Variants in ARPC1A observed in about 807,000 individuals in gnomAD.
The protein encoded by ARPC1A is actin-related protein 2/3 complex subunit 1A.
ARPC1A carries 8 observed loss-of-function variants against 46.9 expected under a neutral mutation model. The ratio of observed to expected loss-of-function variants is 0.17; its 90% CI spans 0.10 to 0.31. The LOEUF is 0.31. Among genes scored for constraint, ARPC1A ranks in the 10% least tolerant of loss-of-function variants. The pLI, the probability that ARPC1A is intolerant of heterozygous loss-of-function variation, is 1.00. For synonymous variants in ARPC1A, 152 were observed against 169.0 expected (o/e 0.90, Z 0.78); for missense variants, 286 against 483.6 (o/e 0.59, Z 3.83).
intron 3 of ARPC1A, among the ~76,000 whole-genome samples, chr7:99,338,673 C>T (rs962345894): frequency 1.3e-5 from 2 of 151,840 alleles, no homozygotes; most frequent in African/African-American, 2.4e-5. Flanking sequence ...AGTGAGCTAC[C>T]GCACCTGGCC....
At chr7:99,362,338 T>TCCC (rs1300797732) in intron 8 of ARPC1A, among the ~76,000 whole-genome samples, 3,447 of 124,814 alleles carry the variant, frequency 0.028, 70 homozygotes, top group African/African-American at 0.035. Flanking sequence ...CCGCCCCCCT[T>TCCC]TTTTTTTTTT....
rs998224227 is a variant in ARPC1A at position 99,366,149 on chromosome 7, A to C, written c.*220A>C. ...TTGCGATTTCATTCCATTCTTGACCAAAGCTTCTCTTTAAGTAGTTTATTA... is the reference window on the plus strand; with the variant it reads ...TTGCGATTTCATTCCATTCTTGACCCAAGCTTCTCTTTAAGTAGTTTATTA... On this transcript the variant is annotated 3_prime_UTR_variant, in exon 10 of 10. Coordinates refer to ENST00000262942, the MANE Select transcript of ARPC1A (RefSeq NM_006409.4). The C allele has an allele frequency of 5.2e-6, 3 of 572,478 alleles. No individual in the cohort carries two copies. The African/African-American group carries it at 5.7e-5, about 11-fold the overall frequency. The allele number at this position is 572,478 out of a possible 1,614,324, so 35.5% of individuals were successfully genotyped here. A position where few individuals can be genotyped will look rare whatever the true frequency, so the allele number is the denominator to read the frequency against.
In ARPC1A at chr7:99,348,963, G is replaced by A. The variant is rs1449952145; in HGVS notation, c.500+4G>A. ...GATCATGTGACTTCAAATGCAGGTG[G>A]GAACCAGTGAGAACTGATAAACTTG... On this transcript the variant is annotated splice_donor_region_variant and intron_variant, in intron 5 of 9. Coordinates refer to ENST00000262942, the MANE Select transcript of ARPC1A (RefSeq NM_006409.4). The A allele has an allele frequency of 6.2e-7, 1 of 1,610,922 alleles. No homozygotes were observed. The highest frequency in any genetic ancestry group is 8.5e-7 in the Non-Finnish European group (1 of 1,177,312).
intron 6 of ARPC1A, among the ~76,000 whole-genome samples, chr7:99,356,032 G>A (rs934319901): frequency 2.0e-5 from 3 of 152,296 alleles, no homozygotes; most frequent in South Asian, 2.1e-4. Flanking sequence ...AGTATATGTT[G>A]GAGGAAGAGA....
At chr7:99,345,626 C>G (rs1444239666) in intron 4 of ARPC1A, among the ~76,000 whole-genome samples, 1 of 151,892 alleles carries the variant, frequency 6.6e-6, no homozygotes, top group Non-Finnish European at 1.5e-5. Flanking sequence ...CCACTGCACT[C>G]CAGCCTGGGC....
chr7:99,346,927 C>T (rs981179257), intron 4 of ARPC1A, among the ~76,000 whole-genome samples: 14 of 152,164 alleles, frequency 9.2e-5, no homozygotes, highest in Middle Eastern at 3.4e-3. Context: ...TGCAATGAGC[C>T]GAGACCATGC....
chr7:99,358,686 A>G (rs374409552), intron 7 of ARPC1A: 16 of 370,736 alleles, frequency 4.3e-5, no homozygotes, highest in African/African-American at 3.2e-4. Context: ...GAATATAGGC[A>G]TGCGCCACCA....
At chr7:99,340,584 A>G (rs1793343208) in intron 3 of ARPC1A, among the ~76,000 whole-genome samples, 1 of 152,208 alleles carries the variant, frequency 6.6e-6, no homozygotes, top group Admixed American at 6.5e-5. Context: ...CTGGTACTAA[A>G]GGTGTGCGCC....
Position 99,334,028 on chromosome 7 carries a change from CACATAT to C in ARPC1A, c.64+613_64+618del, listed in dbSNP as rs202178798. Among the ~76,000 whole-genome samples, 708 of 136,226 alleles carry C rather than the reference CACATAT, an allele frequency of 5.2e-3. 2 individuals carry two copies. Among genetic ancestry groups the C allele is most frequent in the African/African-American group, 0.021 (640 of 30,658 alleles). The allele number at this position is 136,226 out of a possible 152,430, so 89.4% of individuals were successfully genotyped here. A position where few individuals can be genotyped will look rare whatever the true frequency, so the allele number is the denominator to read the frequency against. On this transcript the variant is annotated intron_variant, in intron 2 of 9. Transcript: ENST00000262942. ...GTACACACACACACACACACACACA[CACATAT>C]ATATGTATTTTTTTTTTTTGAGACA...
rs368523061 is a variant in ARPC1A, at chr7:99,365,677, A to G, written c.1075-214A>G. On this transcript the variant is annotated intron_variant, in intron 9 of 9. Transcript: ENST00000262942. ...GAGCCTGTGTGTGTGGCAGTGGGGA[A>G]AAGGCACACCTGGCCTGGAGGAGCC... Among the ~76,000 whole-genome samples, 110 of 151,034 alleles carry G rather than the reference A, an allele frequency of 7.3e-4. 1 individual carries two copies. The highest frequency in any genetic ancestry group is 2.5e-3 in the African/African-American group (103 of 41,204).
rs191190992 is a variant in ARPC1A, at chr7:99,334,878, C to G, written c.64+1461C>G. ...TTTTTTTTTGAGACGCAGTCTCGCT[C>G]TGTCGCCCAGGCTGGAGTGCAGTGG... is the stretch of plus-strand genomic sequence containing the variant. On this transcript the variant is annotated intron_variant, in intron 2 of 9. Coordinates refer to ENST00000262942, the MANE Select transcript of ARPC1A (RefSeq NM_006409.4). Among the ~76,000 whole-genome samples, 75 of 152,134 alleles carry G rather than the reference C, an allele frequency of 4.9e-4. 1 individual carries two copies. The highest frequency in any genetic ancestry group is 1.6e-3 in the African/African-American group (65 of 41,486).
chr7:99,340,502 G>C (rs557551789), intron 3 of ARPC1A, among the ~76,000 whole-genome samples: 1 of 152,080 alleles, frequency 6.6e-6, no homozygotes, highest in East Asian at 1.9e-4. Context: ...ACCCAGGCTA[G>C]AAGGATCATG....
chr7:99,364,964 G>A (rs576638778), intron 9 of ARPC1A, among the ~76,000 whole-genome samples: 1 of 152,214 alleles, frequency 6.6e-6, no homozygotes, highest in South Asian at 2.1e-4. Context: ...CAGGGAACAG[G>A]TTGCACCTGA....
At chr7:99,334,059 A>C (rs1793199207) in intron 2 of ARPC1A, among the ~76,000 whole-genome samples, 1 of 149,900 alleles carries the variant, frequency 6.7e-6, no homozygotes, top group Non-Finnish European at 1.5e-5. Flanking sequence ...TTTTTGAGAC[A>C]GAGTCTCGCT....
chr7:99,348,651 T>G (rs1416223275), intron 4 of ARPC1A, among the ~76,000 whole-genome samples: 1 of 152,240 alleles, frequency 6.6e-6, no homozygotes, highest in Non-Finnish European at 1.5e-5. Flanking sequence ...GCTCTGTTAC[T>G]TTTCTATAGA....
chr7:99,338,331 G>T, intron 3 of ARPC1A, 46 bp downstream of exon 3: 1 of 1,418,066 alleles, frequency 7.1e-7, no homozygotes, highest in East Asian at 2.4e-5. Context: ...TCCAAATCAG[G>T]CACTCTTCCT....
At chr7:99,333,299 A>G in intron 1 of ARPC1A, 26 bp from the exon 2 acceptor site, 3 of 1,465,020 alleles carry the variant, frequency 2.0e-6, no homozygotes, top group South Asian at 2.3e-5. Flanking sequence ...ATTGTATAAA[A>G]TGCTTTTTGT....
At chr7:99,344,917 G>GTTTTTTTTT (rs1562799264) in intron 4 of ARPC1A, among the ~76,000 whole-genome samples, 14 of 29,614 alleles carry the variant, frequency 4.7e-4, no homozygotes, top group African/African-American at 1.7e-3. Context: ...AGATAACAAT[G>GTTTTTTTTT]TTCTTTTTTT....
intron 7 of ARPC1A, among the ~76,000 whole-genome samples, 185 bp from the exon 8 acceptor site, chr7:99,359,360 C>A (rs542072228): frequency 1.3e-5 from 2 of 151,284 alleles, no homozygotes; most frequent in African/African-American, 4.9e-5. Context: ...TACTTGAACC[C>A]GGGAAGCAGA....
Sources: gnomAD v4.1 joint callset for allele counts (sites outside exome capture counted in the v4.1 genomes callset) on GRCh38, gnomAD v4.1.1 for gene constraint, MANE v1.5 for transcripts, NCBI Gene and HGNC (gene_info 2026-07-23, HGNC 2026-07-21) for gene names.